Variants in LDB2 observed in about 807,000 individuals in gnomAD.
The protein encoded by LDB2 is LIM domain-binding protein 2.
Under a neutral mutation model 44.3 loss-of-function variants are expected in LDB2, and 12 were observed. The observed-to-expected ratio is 0.27, with a 90% CI of 0.17 to 0.44. The LOEUF is 0.44. Ranked by LOEUF, LDB2 falls within the 20% of genes least tolerant of loss-of-function variation. LDB2 has a pLI of 1.00. For synonymous variants in LDB2, 164 were observed against 174.8 expected, an observed-to-expected ratio of 0.94 and a Z score of 0.49; for missense variants, 344 against 473.5, an observed-to-expected ratio of 0.73 and a Z score of 2.54.
chr4:16,529,892 T>C (rs1409468073), intron 5 of LDB2, among the ~76,000 whole-genome samples: 2 of 152,128 alleles, frequency 1.3e-5, no homozygotes, highest in Admixed American at 1.3e-4. Context: ...AGGCATTGAG[T>C]CTCTAGATGT....
At chr4:16,604,345 T>C (rs1578149181) in intron 2 of LDB2, among the ~76,000 whole-genome samples, 1 of 152,038 alleles carries the variant, frequency 6.6e-6, no homozygotes, top group African/African-American at 2.4e-5. Context: ...TTTAAAAAGT[T>C]TTCTAGGCAA....
At chr4:16,766,439 TG>T (rs1406622472) in intron 1 of LDB2, among the ~76,000 whole-genome samples, 2 of 148,814 alleles carry the variant, frequency 1.3e-5, no homozygotes, top group African/African-American at 2.5e-5. Context: ...AATGTATGTA[TG>T]TGTGTGTATA....
intron 1 of LDB2, among the ~76,000 whole-genome samples, chr4:16,848,789 G>A (rs917352178): frequency 9.9e-5 from 15 of 151,756 alleles, no homozygotes; most frequent in East Asian, 1.9e-4. Flanking sequence ...AAACAACATC[G>A]CAAATCCATC....
chr4:16,591,231 T>C (rs547475900), intron 3 of LDB2, among the ~76,000 whole-genome samples: 7 of 152,296 alleles, frequency 4.6e-5, no homozygotes, highest in African/African-American at 1.7e-4. Context: ...TTTACTTCTA[T>C]TGGGAGAGAA....
chr4:16,670,743 A>C (rs563422465), intron 2 of LDB2, among the ~76,000 whole-genome samples: 1 of 152,354 alleles, frequency 6.6e-6, no homozygotes, highest in Admixed American at 6.5e-5. Flanking sequence ...GGGCATAATA[A>C]TAGTACTTGC....
intron 2 of LDB2, among the ~76,000 whole-genome samples, chr4:16,722,516 G>A (rs1259521953): frequency 1.3e-5 from 2 of 152,126 alleles, no homozygotes; most frequent in East Asian, 3.9e-4. Context: ...GCCTCAGAAG[G>A]AAATTCCATT....
intron 2 of LDB2, 34 bp downstream of exon 2, chr4:16,759,124 G>T: frequency 6.9e-7 from 1 of 1,458,644 alleles, no homozygotes; most frequent in Non-Finnish European, 9.6e-7. Flanking sequence ...GGCACAAAAC[G>T]AGGTAATATT....
chr4:16,782,246 A>G (rs1186769577), intron 1 of LDB2, among the ~76,000 whole-genome samples: 3 of 152,120 alleles, frequency 2.0e-5, no homozygotes, highest in African/African-American at 7.2e-5. Flanking sequence ...TCCACTCTGA[A>G]TTCCTTGTGG....
intron 1 of LDB2, among the ~76,000 whole-genome samples, chr4:16,844,274 A>T (rs1264286924): frequency 6.7e-6 from 1 of 149,142 alleles, no homozygotes; most frequent in Non-Finnish European, 1.5e-5. Context: ...AAAAAAAAAA[A>T]GGATCTATCA....
intron 1 of LDB2, among the ~76,000 whole-genome samples, chr4:16,893,271 T>C (rs1436472742): frequency 6.9e-6 from 1 of 145,178 alleles, no homozygotes; most frequent in East Asian, 2.2e-4. Context: ...CATTCATATA[T>C]CTCAGAGTAG....
intron 2 of LDB2, among the ~76,000 whole-genome samples, chr4:16,703,126 G>T (rs1414748684): frequency 1.3e-5 from 2 of 152,172 alleles, no homozygotes; most frequent in African/African-American, 4.8e-5. Flanking sequence ...AGTCAACATG[G>T]AGAGAGAAAT....
At chr4:16,685,166 T>C (rs1434388355) in intron 2 of LDB2, among the ~76,000 whole-genome samples, 1 of 152,196 alleles carries the variant, frequency 6.6e-6, no homozygotes, top group Non-Finnish European at 1.5e-5. Context: ...ACTTCTATCA[T>C]AAACAGTTGA....
At chr4:16,827,366 T>C (rs1783249280) in intron 1 of LDB2, among the ~76,000 whole-genome samples, 1 of 152,172 alleles carries the variant, frequency 6.6e-6, no homozygotes, top group African/African-American at 2.4e-5. Context: ...AGTGCTAAGA[T>C]GCATCTGAAA....
chr4:16,567,367 A>C (rs201272628), intron 5 of LDB2, among the ~76,000 whole-genome samples: 1 of 83,150 alleles, frequency 1.2e-5, no homozygotes. Flanking sequence ...GCAGACATAG[A>C]GTGTGTGTGT....
At chr4:16,734,463 T>C (rs183913042) in intron 2 of LDB2, among the ~76,000 whole-genome samples, 37 of 152,316 alleles carry the variant, frequency 2.4e-4, no homozygotes, top group African/African-American at 8.9e-4. Flanking sequence ...TTTGTTGTCA[T>C]GAATGAAATG....
rs72619118 is a variant in LDB2 at position 16,554,952 on chromosome 4, T to C, written c.615+30970A>G. Among the ~76,000 whole-genome samples the C allele has an allele frequency of 0.023, 3,437 of 152,300 alleles. 250 individuals are homozygous for C. In the East Asian group the frequency reaches 0.26, roughly 12 times the overall value. ...ATTATGACATGTCAGTGTTGGTTCATTGATGTGACAAATGTGCCACATTGG... is the reference window on the plus strand; with the variant it reads ...ATTATGACATGTCAGTGTTGGTTCACTGATGTGACAAATGTGCCACATTGG... On this transcript the variant is annotated intron_variant, in intron 5 of 7. Coordinates refer to ENST00000304523, the MANE Select transcript of LDB2 (RefSeq NM_001290.5).
At chr4:16,557,252 G>A in intron 5 of LDB2, among the ~76,000 whole-genome samples, 1 of 152,200 alleles carries the variant, frequency 6.6e-6, no homozygotes. Context: ...CCGAAGCAGG[G>A]TGAGGCATTG....
intron 2 of LDB2, among the ~76,000 whole-genome samples, chr4:16,739,739 CATACATATACAT>C (rs1187793762): frequency 1.1e-4 from 11 of 100,408 alleles, no homozygotes; most frequent in African/African-American, 5.1e-4. Flanking sequence ...TGTGTATATA[CATACATATACAT>C]ATATATATAA....
chr4:16,753,905 T>C lies in LDB2; in HGVS notation c.235+5253A>G, dbSNP rs540984332. Among the ~76,000 whole-genome samples the C allele has an allele frequency of 1.2e-4, 19 of 152,344 alleles. No individual in the cohort carries two copies. The East Asian group carries it at 2.9e-3, about 23-fold the overall frequency. The stretch of plus-strand genomic sequence containing the variant: ...CCAATCTAATAAGAACGCCCATCAA[T>C]GTGTTATGGAGCATTTTCAAAGGGA... On this transcript the variant is annotated intron_variant, in intron 2 of 7. Coordinates refer to ENST00000304523, the MANE Select transcript of LDB2 (RefSeq NM_001290.5).
Sources: gnomAD v4.1 joint callset for allele counts (sites outside exome capture counted in the v4.1 genomes callset) on GRCh38, gnomAD v4.1.1 for gene constraint, MANE v1.5 for transcripts, NCBI Gene and HGNC (gene_info 2026-07-23, HGNC 2026-07-21) for gene names.